Variants in METTL6 observed in about 807,000 individuals in gnomAD.
METTL6 encodes methyltransferase 6, tRNA N3-cytidine.
Under a neutral mutation model 26.4 loss-of-function variants are expected in METTL6, and 22 were observed. The observed-to-expected ratio is 0.83, with a 90% CI of 0.59 to 1.19. METTL6 has a LOEUF of 1.19. METTL6 is among the 50% of genes most tolerant of loss of function. METTL6 has a pLI of 0.00. For synonymous variants in METTL6, 109 were observed against 116.2 expected, an observed-to-expected ratio of 0.94 and a Z score of 0.40; for missense variants, 304 against 324.8, an observed-to-expected ratio of 0.94 and a Z score of 0.49.
intron 6 of METTL6, among the ~76,000 whole-genome samples, chr3:15,391,256 C>T (rs1157366890): frequency 6.6e-6 from 1 of 152,162 alleles, no homozygotes; most frequent in African/African-American, 2.4e-5. Flanking sequence ...AAAGGCAACA[C>T]GTGGGTGGAA....
chr3:15,404,498 A>G (rs1215891303), intron 6 of METTL6, among the ~76,000 whole-genome samples: 1 of 138,670 alleles, frequency 7.2e-6, no homozygotes, highest in East Asian at 2.2e-4. Context: ...GCGCACCATC[A>G]TGCCCAGCTA....
intron 6 of METTL6, among the ~76,000 whole-genome samples, chr3:15,386,723 G>A (rs182398076): frequency 6.6e-5 from 10 of 152,030 alleles, no homozygotes; most frequent in East Asian, 3.9e-4. Flanking sequence ...CTTAGTGAAC[G>A]TGCCTTAGTC....
intron 1 of METTL6, among the ~76,000 whole-genome samples, chr3:15,427,164 G>C (rs183311029): frequency 6.6e-6 from 1 of 152,328 alleles, no homozygotes; most frequent in Admixed American, 6.5e-5. Flanking sequence ...TGCAGGGACT[G>C]AGACCCTCGC....
chr3:15,396,632 T>C (rs1478032170), intron 6 of METTL6, among the ~76,000 whole-genome samples: 1 of 152,194 alleles, frequency 6.6e-6, no homozygotes, highest in Non-Finnish European at 1.5e-5. Context: ...TATCTACCTT[T>C]GGTCTTTGAT....
In METTL6 at chr3:15,411,073, T is replaced by G. The variant is rs889914956; in HGVS notation, c.*183A>C. ...ATGCCCAGCTAATTTTTTTGTATTT[T>G]TAGTAGAGATGGGGTCTCACCATGT... On this transcript the variant is annotated 3_prime_UTR_variant, in exon 6 of 6. Coordinates refer to ENST00000383790, the MANE Select transcript of METTL6 (RefSeq NM_152396.4). 4.8e-5 allele frequency: 27 copies of G among 565,220 alleles called. No individual in the cohort carries two copies. Among genetic ancestry groups the G allele is most frequent in the Admixed American group, 3.6e-5 (1 of 27,962 alleles). 35.0% of individuals were successfully genotyped at this position (565,220 alleles called of 1,614,324 possible).
chr3:15,406,629 TAGAGAGAG>T (rs1211289541), downstream of METTL6, among the ~76,000 whole-genome samples: 4 of 20,732 alleles, frequency 1.9e-4, no homozygotes, highest in East Asian at 1.2e-3. Context: ...TATATATATA[TAGAGAGAG>T]AGAGAGAGAG....
chr3:15,391,951 A>G (rs1699360959), intron 6 of METTL6, among the ~76,000 whole-genome samples: 1 of 152,164 alleles, frequency 6.6e-6, no homozygotes, highest in African/African-American at 2.4e-5. Flanking sequence ...TAGTGCTGCA[A>G]TAAACATACA....
Position 15,410,273 on chromosome 3 carries a change from CAACTT to C in METTL6, c.*978_*982del, listed in dbSNP as rs892384321. On this transcript the variant is annotated 3_prime_UTR_variant, in exon 6 of 6. Transcript: ENST00000383790. ...GTACCAAACTCTAAAAAAAAAAGAA[CAACTT>C]TAACAATATACCGTAATAAAAGTTA... 2.0e-5 allele frequency among the ~76,000 whole-genome samples: 3 copies of C among 151,972 alleles called. No homozygotes were observed. The highest frequency in any genetic ancestry group is 7.2e-5 in the African/African-American group (3 of 41,392).
chr3:15,394,564 T>A (rs1211439737), intron 6 of METTL6, among the ~76,000 whole-genome samples: 1 of 152,218 alleles, frequency 6.6e-6, no homozygotes, highest in Non-Finnish European at 1.5e-5. Flanking sequence ...TGCTCTTGCT[T>A]CTCTAGTTCT....
At chr3:15,417,315 C>T (rs918214926) in intron 3 of METTL6, among the ~76,000 whole-genome samples, 1 of 151,976 alleles carries the variant, frequency 6.6e-6, no homozygotes, top group African/African-American at 2.4e-5. Flanking sequence ...ATTAGCTGGG[C>T]GTGGTGACCC....
Position 15,401,241 on chromosome 3 carries a change from A to G in METTL6, c.*11+10004T>C, listed in dbSNP as rs1265719690. Among the ~76,000 whole-genome samples the G allele has an allele frequency of 5.9e-5, 9 of 152,112 alleles. No homozygotes were observed. In the South Asian group the frequency reaches 1.5e-3, roughly 25 times the overall value. On this transcript the variant is annotated intron_variant, in intron 6 of 6. Transcript: ENST00000443029. ...TTTTTAGTAGAGATGGGGTTTTACC[A>G]TGTTAGCCAGGATGGTCTCGATCTC...
chr3:15,421,102 G>A (rs2061603202), intron 3 of METTL6, among the ~76,000 whole-genome samples: 1 of 152,182 alleles, frequency 6.6e-6, no homozygotes, highest in Non-Finnish European at 1.5e-5. Flanking sequence ...CTCTTAGTCA[G>A]AATCTCCATA....
At chr3:15,416,632 T>C (rs1422556824) in intron 3 of METTL6, among the ~76,000 whole-genome samples, 1 of 152,218 alleles carries the variant, frequency 6.6e-6, no homozygotes, top group Non-Finnish European at 1.5e-5. Context: ...CTAATTCCCC[T>C]TGATGAGATG....
chr3:15,407,613 A>G (rs567559497), downstream of METTL6, among the ~76,000 whole-genome samples: 2 of 152,256 alleles, frequency 1.3e-5, no homozygotes, highest in South Asian at 4.1e-4. Context: ...ATTCACATCA[A>G]ACCCTCCACT....
chr3:15,398,112 G>A (rs1367590010), intron 6 of METTL6, among the ~76,000 whole-genome samples: 1 of 151,136 alleles, frequency 6.6e-6, no homozygotes, highest in Non-Finnish European at 1.5e-5. Context: ...TTAAGCCTTT[G>A]ATGAGACTGA....
At chr3:15,411,904 A>G (rs1699984560) in intron 5 of METTL6, among the ~76,000 whole-genome samples, 1 of 152,098 alleles carries the variant, frequency 6.6e-6, no homozygotes, top group Non-Finnish European at 1.5e-5. Context: ...CTGGGACTAC[A>G]GGCACACACT....
chr3:15,420,267 G>C (rs1444586007), intron 3 of METTL6, among the ~76,000 whole-genome samples: 1 of 152,164 alleles, frequency 6.6e-6, no homozygotes, highest in Non-Finnish European at 1.5e-5. Flanking sequence ...AATGTAGAAT[G>C]AGGAAAGCAT....
intron 2 of METTL6, among the ~76,000 whole-genome samples, chr3:15,425,983 C>T (rs2061711392): frequency 6.6e-6 from 1 of 152,150 alleles, no homozygotes; most frequent in African/African-American, 2.4e-5. Context: ...GTTCTGTCAC[C>T]AGGCTGGAGT....
chr3:15,398,099 C>G (rs1009522194), intron 6 of METTL6, among the ~76,000 whole-genome samples: 1 of 152,024 alleles, frequency 6.6e-6, no homozygotes, highest in Non-Finnish European at 1.5e-5. Flanking sequence ...AAACTCCTAA[C>G]CTTTAAGCCT....
Sources: gnomAD v4.1 joint callset for allele counts (sites outside exome capture counted in the v4.1 genomes callset) on GRCh38, gnomAD v4.1.1 for gene constraint, MANE v1.5 for transcripts, NCBI Gene and HGNC (gene_info 2026-07-23, HGNC 2026-07-21) for gene names.